The following NHERF2 variants were observed in gnomAD, a reference collection of about 807,000 sequenced individuals.
NHERF2 encodes Na(+)/H(+) exchange regulatory cofactor NHE-RF2.
chr16:2,033,267 T>C, the NHERF2 span: 2 of 1,529,244 alleles, frequency 1.3e-6, no homozygotes, highest in East Asian at 2.5e-5. Flanking sequence ...GGGAGGTAGA[T>C]AAGTGGGGTG....
chr16:2,038,913 CACT>C, the NHERF2 span: 1 of 153,384 alleles, frequency 6.5e-6, no homozygotes, highest in Admixed American at 6.5e-5. Flanking sequence ...GTTGACTTTG[CACT>C]TCCCTCCCGG....
At chr16:2,036,854 G>T in the NHERF2 span, 6 of 1,611,816 alleles carry the variant, frequency 3.7e-6, no homozygotes, top group Non-Finnish European at 5.1e-6. Context: ...GCGGCTTCGG[G>T]TCACACCCAC....
chr16:2,029,204 C>T, the NHERF2 span, among the ~76,000 whole-genome samples: 1 of 152,212 alleles, frequency 6.6e-6, no homozygotes, highest in African/African-American at 2.4e-5. Flanking sequence ...CATGCGCGCA[C>T]AGGGACAGGC....
chr16:2,038,409 CTTCCCCTCCCCCT>C, the NHERF2 span: 20 of 103,516 alleles, frequency 1.9e-4, no homozygotes, highest in South Asian at 2.6e-3. Flanking sequence ...GACCCCCCCC[CTTCCCCTCCCCCT>C]TCCCCTCCCC....
chr16:2,035,556 G>A, the NHERF2 span: 20 of 987,042 alleles, frequency 2.0e-5, no homozygotes, highest in East Asian at 1.1e-4. Flanking sequence ...TCCGGCCACC[G>A]CCATGTTTAA....
At chr16:2,037,555 G>A in the NHERF2 span, 43 of 1,612,076 alleles carry the variant, frequency 2.7e-5, no homozygotes, top group African/African-American at 1.3e-4. Context: ...GTGGCTCTGC[G>A]TGCTCGTCCC....
At chr16:2,027,089 GA>G in the NHERF2 span, 1 of 1,458,960 alleles carries the variant, frequency 6.9e-7, no homozygotes. Context: ...TGCACGGCGA[GA>G]AGGGCCGCCG....
chr16:2,033,303 A>T, the NHERF2 span: 4 of 1,532,504 alleles, frequency 2.6e-6, no homozygotes, highest in South Asian at 1.2e-5. Flanking sequence ...CAGAGAGTTC[A>T]GGCCACCCCG....
chr16:2,033,434 T>G, the NHERF2 span: 1 of 1,523,386 alleles, frequency 6.6e-7, no homozygotes, highest in South Asian at 1.2e-5. Flanking sequence ...CTGGTACAGG[T>G]CAGGTGGGGT....
chr16:2,036,445 T>C, the NHERF2 span: 1 of 1,604,686 alleles, frequency 6.2e-7, no homozygotes, highest in Non-Finnish European at 8.5e-7. Flanking sequence ...ATCCGCTCTG[T>C]GGACCCGGGC....
At chr16:2,035,323 T>TG in the NHERF2 span, 12 of 851,900 alleles carry the variant, frequency 1.4e-5, no homozygotes, top group East Asian at 1.5e-3. Flanking sequence ...CTGGAGGGGT[T>TG]GGGGGTGTCT....
At chr16:2,038,188 C>T in the NHERF2 span, 3 of 612,542 alleles carry the variant, frequency 4.9e-6, no homozygotes, top group Non-Finnish European at 8.6e-6. Context: ...GGGAGAGAGA[C>T]CCAGAGATGT....
the NHERF2 span, chr16:2,033,290 G>A: frequency 5.2e-5 from 80 of 1,531,902 alleles, no homozygotes; most frequent in African/African-American, 6.9e-5. Flanking sequence ...AGCCTGGGTC[G>A]GCCAGAGAGT....
At chr16:2,030,134 C>T in the NHERF2 span, among the ~76,000 whole-genome samples, 23 of 152,340 alleles carry the variant, frequency 1.5e-4, no homozygotes, top group Middle Eastern at 3.4e-3. Context: ...TCTGCGTGTG[C>T]GCAGCTCTGT....
the NHERF2 span, chr16:2,037,010 G>C: frequency 7.1e-6 from 11 of 1,549,398 alleles, no homozygotes; most frequent in South Asian, 1.3e-4. Flanking sequence ...TAAGAGGGTG[G>C]GGTGCCCATG....
chr16:2,029,129 G>A, the NHERF2 span, among the ~76,000 whole-genome samples: 1 of 152,188 alleles, frequency 6.6e-6, no homozygotes, highest in Non-Finnish European at 1.5e-5. Flanking sequence ...CTCAAACTGG[G>A]GCCCAGGGAG....
chr16:2,038,221 CAGAGAGAG>C, the NHERF2 span: 1 of 449,890 alleles, frequency 2.2e-6, no homozygotes, highest in Non-Finnish European at 4.0e-6. Context: ...GAGACAGAGA[CAGAGAGAG>C]AGAGAGAGAG....
the NHERF2 span, chr16:2,029,412 G>T: frequency 1.6e-6 from 1 of 618,666 alleles, no homozygotes. Context: ...GGAGGGAGCC[G>T]CTGGAGTCCG....
chr16:2,028,310 C>T, the NHERF2 span, among the ~76,000 whole-genome samples: 2 of 152,194 alleles, frequency 1.3e-5, no homozygotes, highest in Non-Finnish European at 2.9e-5. Flanking sequence ...AGGTTGTTTG[C>T]TGAAGAATGT....
Sources: allele counts gnomAD v4.1 joint callset (sites outside exome capture counted in the v4.1 genomes callset), GRCh38; gene constraint gnomAD v4.1.1; transcripts MANE v1.5; gene names NCBI Gene and HGNC (gene_info 2026-07-23, HGNC 2026-07-21).